NTAQ1: variants seen among roughly 807,000 people sequenced by gnomAD.
NTAQ1 encodes the protein protein N-terminal glutamine amidohydrolase.
A neutral mutation model predicts 28.2 loss-of-function variants in NTAQ1; 21 were observed. The ratio of observed to expected loss-of-function variants is 0.74; its 90% confidence interval spans 0.53 to 1.07. The LOEUF (loss-of-function observed/expected upper bound fraction) is 1.07, where lower values mean the gene tolerates loss of function less well. Ranked by LOEUF, NTAQ1 falls within the 50% of genes least tolerant of loss-of-function variation. The pLI, the probability that NTAQ1 is intolerant of heterozygous loss-of-function variation, is 0.00. For missense variants in NTAQ1, 264 were observed against 256.6 expected (o/e 1.03, Z -0.20); for synonymous variants, 105 against 90.0 (o/e 1.17, Z -0.94).
rs1007026298 is a variant in NTAQ1 at position 123,441,657 on chromosome 8, C to T, written c.*242C>T. 342 of 487,788 alleles carry T rather than the reference C, an allele frequency of 7.0e-4. 1 individual carries two copies. The highest frequency in any genetic ancestry group is 1.1e-3 in the Non-Finnish European group (285 of 270,180). 30.2% of individuals were successfully genotyped at this position (487,788 alleles called of 1,614,324 possible). ...TGCTAAGATATTCCTGTGGCTCATG[C>T]GTTACAACACGAGGACTTAAGCCAG... On this transcript the variant is annotated 3_prime_UTR_variant, in exon 6 of 6. Transcript: ENST00000287387.
intron 6 of NTAQ1, among the ~76,000 whole-genome samples, chr8:123,460,092 G>A (rs79334297): frequency 6.6e-6 from 1 of 151,896 alleles, no homozygotes; most frequent in East Asian, 1.9e-4. Context: ...GAGCCACTGC[G>A]CCCAGCCCAA....
At chr8:123,431,993 T>A (rs1272344361) in intron 3 of NTAQ1, among the ~76,000 whole-genome samples, 1 of 152,166 alleles carries the variant, frequency 6.6e-6, no homozygotes, top group African/African-American at 2.4e-5. Flanking sequence ...TAGCCATGTC[T>A]CCCTTACACA....
downstream of NTAQ1, among the ~76,000 whole-genome samples, chr8:123,445,494 A>T (rs1202509562): frequency 6.6e-6 from 1 of 151,360 alleles, no homozygotes; most frequent in Non-Finnish European, 1.5e-5. Flanking sequence ...ATAATTTAAC[A>T]GTCCTTTATA....
chr8:123,468,268 G>A (rs1237190233), exon 7 of NTAQ1, among the ~76,000 whole-genome samples: 1 of 152,182 alleles, frequency 6.6e-6, no homozygotes, highest in Non-Finnish European at 1.5e-5. Flanking sequence ...CTATCTTAAA[G>A]TGTACAGTAG....
intron 3 of NTAQ1, among the ~76,000 whole-genome samples, chr8:123,431,940 G>A (rs1814422331): frequency 6.6e-6 from 1 of 152,188 alleles, no homozygotes; most frequent in Admixed American, 6.5e-5. Flanking sequence ...TTGAGTCGTG[G>A]TCTTACTCCC....
intron 6 of NTAQ1, among the ~76,000 whole-genome samples, chr8:123,457,470 A>G (rs1048426743): frequency 2.0e-5 from 3 of 152,238 alleles, no homozygotes; most frequent in South Asian, 2.1e-4. Context: ...AATTAAACCT[A>G]TATTAAATAT....
chr8:123,433,602 C>T (rs189292041), intron 3 of NTAQ1, among the ~76,000 whole-genome samples: 3 of 152,118 alleles, frequency 2.0e-5, no homozygotes, highest in Middle Eastern at 3.2e-3. Context: ...TGCATGCCAC[C>T]ATGCCCGGCT....
intron 6 of NTAQ1, among the ~76,000 whole-genome samples, chr8:123,459,538 C>T (rs1377001837): frequency 6.6e-6 from 1 of 152,102 alleles, no homozygotes; most frequent in East Asian, 1.9e-4. Flanking sequence ...AGTGAGCAGC[C>T]CCTGTCCAGG....
chr8:123,475,085 TA>T, the NTAQ1 span, among the ~76,000 whole-genome samples: 14 of 152,202 alleles, frequency 9.2e-5, no homozygotes, highest in South Asian at 2.1e-4. Context: ...CTCCCTCATT[TA>T]TTTTTTTATA....
At chr8:123,428,965 C>T (rs982293139) in intron 2 of NTAQ1, among the ~76,000 whole-genome samples, 6 of 151,968 alleles carry the variant, frequency 3.9e-5, no homozygotes, top group African/African-American at 1.2e-4. Context: ...TGCTTAGAGA[C>T]GCATACTCTC....
At chr8:123,422,562 C>CTGA (rs1299597974) in intron 1 of NTAQ1, among the ~76,000 whole-genome samples, 1 of 151,330 alleles carries the variant, frequency 6.6e-6, no homozygotes, top group Non-Finnish European at 1.5e-5. Context: ...CAAGCACGAG[C>CTGA]CTCACCATGC....
intron 1 of NTAQ1, among the ~76,000 whole-genome samples, chr8:123,427,359 T>G (rs1586934933): frequency 6.7e-6 from 1 of 150,334 alleles, no homozygotes; most frequent in Non-Finnish European, 1.5e-5. Context: ...TTCGAGCAAT[T>G]CTCCTGCCTC....
At chr8:123,441,251 T>C in intron 5 of NTAQ1, 55 bp from the exon 6 acceptor site, 2 of 1,436,592 alleles carry the variant, frequency 1.4e-6, no homozygotes, top group Non-Finnish European at 1.9e-6. Flanking sequence ...GTTTTATTGC[T>C]GTTAAACCAA....
At chr8:123,450,535 C>T (rs938080039), downstream of NTAQ1, among the ~76,000 whole-genome samples, 3 of 135,548 alleles carry the variant, frequency 2.2e-5, no homozygotes, top group South Asian at 2.7e-4. Context: ...TCTGCCCCTC[C>T]AAGGAGACCT....
chr8:123,445,012 TA>T (rs1391676200), downstream of NTAQ1, among the ~76,000 whole-genome samples: 1 of 152,236 alleles, frequency 6.6e-6, no homozygotes, highest in Non-Finnish European at 1.5e-5. Context: ...GCAATGGTAG[TA>T]AATGCAAACC....
chr8:123,452,522 A>G (rs1238506327), downstream of NTAQ1, among the ~76,000 whole-genome samples: 3 of 150,818 alleles, frequency 2.0e-5, no homozygotes, highest in Admixed American at 6.6e-5. Flanking sequence ...TCTTGAACCC[A>G]GGAGGCAGAG....
chr8:123,472,810 A>G (rs1405276624), downstream of NTAQ1, among the ~76,000 whole-genome samples: 1 of 152,216 alleles, frequency 6.6e-6, no homozygotes, highest in Admixed American at 6.5e-5. Context: ...TGGAAGAGAA[A>G]GAGGCAGGGA....
In NTAQ1 at chr8:123,423,543, A is replaced by AT. The variant is rs941641053; in HGVS notation, c.84-4379dup. Among the ~76,000 whole-genome samples the AT allele has an allele frequency of 7.0e-4, 106 of 151,866 alleles. 1 individual carries two copies. Among genetic ancestry groups the AT allele is most frequent in the Non-Finnish European group, 2.6e-4 (18 of 67,970 alleles). Reference sequence around the variant, plus strand: ...CTCCCACCTCAGCCGAGGCATTGGGATTACAGTTGTGAGCTACTGCACCCC... The same window carrying AT: ...CTCCCACCTCAGCCGAGGCATTGGGATTTACAGTTGTGAGCTACTGCACCCC... On this transcript the variant is annotated intron_variant, in intron 1 of 5. Coordinates refer to ENST00000287387, the MANE Select transcript of NTAQ1 (RefSeq NM_018024.3).
chr8:123,460,725 G>GT (rs1332180919), intron 6 of NTAQ1, among the ~76,000 whole-genome samples: 11 of 152,238 alleles, frequency 7.2e-5, no homozygotes, highest in Admixed American at 7.2e-4. Context: ...AGAAGGGTCA[G>GT]TGGAGACCAG....
Sources: allele counts gnomAD v4.1 joint callset (sites outside exome capture counted in the v4.1 genomes callset), GRCh38; gene constraint gnomAD v4.1.1; transcripts MANE v1.5; gene names NCBI Gene and HGNC (gene_info 2026-07-23, HGNC 2026-07-21).